CCNT1: variants seen among roughly 807,000 people sequenced by gnomAD.
The protein encoded by CCNT1 is cyclin T1, also known as cyclin-T1.
CCNT1 carries 18 observed loss-of-function variants against 67.3 expected under a neutral mutation model. The ratio of observed to expected loss-of-function variants is 0.27; its 90% CI spans 0.18 to 0.40. The LOEUF is 0.40. CCNT1 is among the 10% of genes least tolerant of loss of function. The pLI is 1.00. For synonymous variants in CCNT1, 333 were observed against 310.3 expected (o/e 1.07, Z -0.77); for missense variants, 744 against 884.9 (o/e 0.84, Z 2.02).
Position 48,693,081 on chromosome 12 carries a change from T to C in CCNT1, c.2133A>G (p.Pro711=), listed in dbSNP as rs1445467752. 1.9e-6 allele frequency: 3 copies of C among 1,613,154 alleles called. No homozygotes were observed. The highest frequency in any genetic ancestry group is 2.7e-5 in the African/African-American group (2 of 74,838). The part of the protein sequence containing the change: ...RSGNTDKPRP[P]PLPSEPPPPL... Reference sequence around the variant, plus strand: ...GTGGAGGAGGTTCTGATGGCAGAGGTGGTGGCCGGGGTTTGTCTGTATTGC... The same window carrying C: ...GTGGAGGAGGTTCTGATGGCAGAGGCGGTGGCCGGGGTTTGTCTGTATTGC... The change falls in exon 9 of 9, where the codon CCA becomes CCG. Residue 711 remains proline (P), a synonymous_variant. Coordinates refer to ENST00000261900, the MANE Select transcript of CCNT1 (RefSeq NM_001240.4).
rs572552049 is a variant in CCNT1, at chr12:48,693,560, T to C, written c.1654A>G (p.Ser552Gly). 9 of 1,614,210 alleles carry C rather than the reference T, an allele frequency of 5.6e-6. No homozygotes were observed. The East Asian group carries it at 1.3e-4, about 24-fold the overall frequency. Reference protein sequence around the residue: ...PGDPKHSSQTSNLAHKTYSLS... With the variant: ...PGDPKHSSQTGNLAHKTYSLS... ...CTATAGGTTTTATGTGCTAAGTTGC[T>C]TGTCTGGCTACTATGTTTTGGATCA... is the stretch of plus-strand genomic sequence containing the variant. The change falls in exon 9 of 9, where the codon AGC (serine) becomes GGC (glycine). Residue 552 changes from serine to glycine, a missense_variant. By Grantham distance (56) the Ser-to-Gly change is moderately conservative (BLOSUM62 0). Around this residue, in one of 3 missense-constraint regions of CCNT1, gnomAD observed 564 missense variants for 574.2 expected, o/e 0.98. Transcript: ENST00000261900.
In CCNT1 at chr12:48,692,744, C is replaced by T; in HGVS notation, c.*289G>A. ...GAAGAGGGAAGATATCAACTCCAATCAACCTAATTAGATGGTGGAGAGGCC... is the reference window on the plus strand; with the variant it reads ...GAAGAGGGAAGATATCAACTCCAATTAACCTAATTAGATGGTGGAGAGGCC... On this transcript the variant is annotated 3_prime_UTR_variant, in exon 9 of 9. Transcript: ENST00000261900. 3.6e-6 allele frequency: 1 copy of T among 275,362 alleles called. No individual in the cohort carries two copies. Among genetic ancestry groups the T allele is most frequent in the Admixed American group, 4.7e-5 (1 of 21,494 alleles). 17.1% of individuals were successfully genotyped at this position (275,362 alleles called of 1,614,324 possible). A position where few individuals can be genotyped will look rare whatever the true frequency, so the allele number is the denominator to read the frequency against.
intron 1 of CCNT1, among the ~76,000 whole-genome samples, chr12:48,715,370 G>A (rs1940518529): frequency 1.3e-5 from 2 of 151,994 alleles, no homozygotes. Context: ...AGAGTGGAAA[G>A]AAATTTAAAA....
At chr12:48,696,197 G>C in intron 6 of CCNT1, 35 bp from the exon 7 acceptor site, 1 of 1,042,694 alleles carries the variant, frequency 9.6e-7, no homozygotes, top group South Asian at 1.5e-5. Flanking sequence ...AGAGTGTCAT[G>C]AGCTCTCAAT....
intron 4 of CCNT1, among the ~76,000 whole-genome samples, chr12:48,700,343 A>G (rs1940245773): frequency 6.6e-6 from 1 of 151,506 alleles, no homozygotes; most frequent in African/African-American, 2.4e-5. Context: ...AAGAAAAAGA[A>G]AAAAGTTAAC....
intron 2 of CCNT1, among the ~76,000 whole-genome samples, chr12:48,707,733 G>A (rs1378498444): frequency 6.8e-6 from 1 of 147,786 alleles, no homozygotes; most frequent in Non-Finnish European, 1.5e-5. Flanking sequence ...CTGATGGTAG[G>A]TAAAACTAGG....
intron 3 of CCNT1, among the ~76,000 whole-genome samples, chr12:48,703,169 C>A (rs920945633): frequency 6.6e-6 from 1 of 151,742 alleles, no homozygotes; most frequent in Non-Finnish European, 1.5e-5. Context: ...AATCCCAGCA[C>A]TTTGGGAGGC....
intron 2 of CCNT1, 125 bp from the exon 3 acceptor site, chr12:48,706,021 C>T (rs1296527222): frequency 1.5e-5 from 12 of 778,104 alleles, no homozygotes; most frequent in Non-Finnish European, 2.0e-6. Context: ...CACCTCTTTA[C>T]CCTTTCCCGC....
intron 2 of CCNT1, among the ~76,000 whole-genome samples, chr12:48,706,834 A>G (rs1940368008): frequency 6.6e-6 from 1 of 152,196 alleles, no homozygotes; most frequent in African/African-American, 2.4e-5. Flanking sequence ...ACTTTTCTAG[A>G]GTAAGTTTTT....
rs4516016 is a variant in CCNT1 at position 48,697,877 on chromosome 12, T to C, written c.542+261A>G. 3,007 of 138,686 alleles carry C rather than the reference T, an allele frequency of 0.022. 69 individuals are homozygous for C. Among genetic ancestry groups the C allele is most frequent in the East Asian group, 0.071 (332 of 4,660 alleles). The allele number at this position is 138,686 out of a possible 1,614,324, so 8.6% of individuals were successfully genotyped here. A position where few individuals can be genotyped will look rare whatever the true frequency, so the allele number is the denominator to read the frequency against. On this transcript the variant is annotated intron_variant, in intron 6 of 8. Coordinates refer to ENST00000261900, the MANE Select transcript of CCNT1 (RefSeq NM_001240.4). The stretch of plus-strand genomic sequence containing the variant: ...AAAAATATATATATATATATATATA[T>C]ACACATATAATTATTGCAGAATACT...
intron 3 of CCNT1, among the ~76,000 whole-genome samples, chr12:48,702,561 T>C (rs1940288066): frequency 6.6e-6 from 1 of 151,880 alleles, no homozygotes; most frequent in Non-Finnish European, 1.5e-5. Context: ...AAAGCAGGTG[T>C]ATCACGAGGT....
chr12:48,715,772 T>C (rs1159313993), intron 1 of CCNT1, among the ~76,000 whole-genome samples: 1 of 152,190 alleles, frequency 6.6e-6, no homozygotes, highest in Admixed American at 6.5e-5. Flanking sequence ...CGTTACCTCA[T>C]TTTTGAAAAT....
At chr12:48,696,227 C>G (rs1940165497) in intron 6 of CCNT1, 65 bp from the exon 7 acceptor site, 1 of 200,020 alleles carries the variant, frequency 5.0e-6, no homozygotes, top group African/African-American at 3.5e-5. Context: ...AAAGCTAAAA[C>G]TCTCCATTAT....
intron 3 of CCNT1, among the ~76,000 whole-genome samples, chr12:48,702,745 A>G (rs1940291368): frequency 6.6e-6 from 1 of 152,034 alleles, no homozygotes; most frequent in Admixed American, 6.6e-5. Context: ...TGAACCTGGG[A>G]GGTGGAGGTT....
At chr12:48,716,048 T>G (rs1940528071) in intron 1 of CCNT1, among the ~76,000 whole-genome samples, 1 of 152,164 alleles carries the variant, frequency 6.6e-6, no homozygotes, top group African/African-American at 2.4e-5. Flanking sequence ...AGGAATGGAT[T>G]TTGGACCAAG....
rs1940129214 is a variant in CCNT1 at position 48,694,034 on chromosome 12, C to T, written c.1180G>A (p.Ala394Thr). Residue 394 changes from alanine (A) to threonine (T), a missense_variant, in exon 9 of 9, where the codon GCG becomes ACG. By Grantham distance (58) the Ala-to-Thr change is moderately conservative. Around this residue, in one of 3 missense-constraint regions of CCNT1, gnomAD observed 564 missense variants for 574.2 expected, o/e 0.98. Transcript: ENST00000261900. ...SAKVSLKEYRAKHAEELAAQK... is the reference protein window; with the variant it reads ...SAKVSLKEYRTKHAEELAAQK... The stretch of plus-strand genomic sequence containing the variant: ...GCAGCCAATTCTTCTGCATGCTTCG[C>T]GCGGTATTCTTTCAGTGACACTTTA... 6 of 1,614,126 alleles carry T rather than the reference C, an allele frequency of 3.7e-6. No homozygotes were observed. The highest frequency in any genetic ancestry group is 2.2e-5 in the East Asian group (1 of 44,876).
At chr12:48,697,990 T>A in intron 6 of CCNT1, 148 bp downstream of exon 6, 1 of 502,736 alleles carries the variant, frequency 2.0e-6, no homozygotes. Flanking sequence ...CTTAGAAAAT[T>A]AAAAAGTACC....
chr12:48,698,850 G>C (rs1194585468), intron 5 of CCNT1, among the ~76,000 whole-genome samples: 1 of 151,432 alleles, frequency 6.6e-6, no homozygotes, highest in Admixed American at 6.6e-5. Flanking sequence ...CAGCTACTCG[G>C]AAGACTGAGG....
rs1940535801 is a variant in CCNT1, at chr12:48,716,505, A to G, written c.161+10T>C. 1.2e-6 allele frequency: 2 copies of G among 1,610,200 alleles called. No individual in the cohort carries two copies. Among genetic ancestry groups the G allele is most frequent in the Non-Finnish European group, 1.7e-6 (2 of 1,177,464 alleles). ...AACTCCAAGGCCGAAGGCCTAGGCCACAAGGATACACGTTAAGACGCTGCC... is the reference window on the plus strand; with the variant it reads ...AACTCCAAGGCCGAAGGCCTAGGCCGCAAGGATACACGTTAAGACGCTGCC... On this transcript the variant is annotated intron_variant, in intron 1 of 8. Coordinates refer to ENST00000261900, the MANE Select transcript of CCNT1 (RefSeq NM_001240.4).
Sources: allele counts gnomAD v4.1 joint callset (sites outside exome capture counted in the v4.1 genomes callset), GRCh38; gene constraint gnomAD v4.1.1; regional missense constraint gnomAD v4.1.1; transcripts MANE v1.5; gene names NCBI Gene and HGNC (gene_info 2026-07-23, HGNC 2026-07-21).